PCDH15: variants seen among roughly 807,000 people sequenced by gnomAD.
PCDH15 encodes the protein protocadherin-15.
Under a neutral mutation model 178.5 loss-of-function variants are expected in PCDH15, and 129 were observed. That is an observed-to-expected ratio of 0.72 (90% CI 0.63 to 0.84). The LOEUF (loss-of-function observed/expected upper bound fraction) is 0.84, where lower values mean the gene tolerates loss of function less well. PCDH15 is among the 40% of genes least tolerant of loss of function. The pLI, the probability that PCDH15 is intolerant of heterozygous loss-of-function variation, is 0.00. For missense variants in PCDH15, 2,230 were observed against 2,099.9 expected, an observed-to-expected ratio of 1.06 and a Z score of -1.21; for synonymous variants, 800 against 732.0, an observed-to-expected ratio of 1.09 and a Z score of -1.50.
At chr10:54,684,379 C>G (rs1391826973) in intron 1 of PCDH15, among the ~76,000 whole-genome samples, 1 of 151,662 alleles carries the variant, frequency 6.6e-6, no homozygotes, top group Non-Finnish European at 1.5e-5. Context: ...TGTCAAGGAG[C>G]TAAGGAAATC....
chr10:55,532,618 T>C (rs1275553819), intron 2 of PCDH15, among the ~76,000 whole-genome samples: 2 of 152,056 alleles, frequency 1.3e-5, no homozygotes, highest in Non-Finnish European at 2.9e-5. Context: ...CCAGATATGC[T>C]GGATGAAGCA....
intron 1 of PCDH15, among the ~76,000 whole-genome samples, chr10:55,261,053 T>C (rs1842135833): frequency 6.6e-6 from 1 of 152,178 alleles, no homozygotes; most frequent in Non-Finnish European, 1.5e-5. Flanking sequence ...ATGAAATTTT[T>C]AGATGGCTAA....
intron 10 of PCDH15, among the ~76,000 whole-genome samples, chr10:54,207,372 GT>G (rs2050915922): frequency 1.1e-4 from 2 of 17,916 alleles, no homozygotes; most frequent in East Asian, 0.059. Flanking sequence ...TTTTGTGTGT[GT>G]GTGTATGTGT....
chr10:54,578,904 G>C (rs905848903), intron 2 of PCDH15, among the ~76,000 whole-genome samples: 11 of 152,054 alleles, frequency 7.2e-5, no homozygotes, highest in African/African-American at 2.7e-4. Context: ...ACTTAGCTTT[G>C]TAAGGAAGGG....
intron 2 of PCDH15, among the ~76,000 whole-genome samples, chr10:55,386,596 T>C (rs1030646860): frequency 6.6e-6 from 1 of 152,042 alleles, no homozygotes; most frequent in African/African-American, 2.4e-5. Flanking sequence ...TCACTGTTGA[T>C]GTGAATCTCC....
At chr10:55,241,854 A>C (rs1841550898) in intron 1 of PCDH15, among the ~76,000 whole-genome samples, 1 of 152,232 alleles carries the variant, frequency 6.6e-6, no homozygotes, top group Non-Finnish European at 1.5e-5. Flanking sequence ...TATCATTAAC[A>C]AGAAAATAGT....
rs1479988212 is a variant in PCDH15 at position 53,836,424 on chromosome 10, G to A, written c.3983+3896C>T. ...GTCTAACACTGTGGGACAGATCAGA[G>A]TGTGGGCAGAAACCTCTTCTGTGGC... On this transcript the variant is annotated intron_variant, in intron 29 of 37. Coordinates refer to ENST00000644397, the MANE Select transcript of PCDH15 (RefSeq NM_001384140.1). Among the ~76,000 whole-genome samples the A allele has an allele frequency of 3.3e-5, 5 of 152,150 alleles. No individual in the cohort carries two copies. In the East Asian group the frequency reaches 9.6e-4, roughly 29 times the overall value.
At chr10:55,061,217 C>T (rs868437511) in intron 2 of PCDH15, among the ~76,000 whole-genome samples, 24 of 152,016 alleles carry the variant, frequency 1.6e-4, no homozygotes, top group Non-Finnish European at 1.9e-4. Flanking sequence ...AAAAACTCAA[C>T]AAAAAGTAAG....
intron 3 of PCDH15, among the ~76,000 whole-genome samples, chr10:54,810,555 A>G (rs1278587882): frequency 6.6e-6 from 1 of 152,164 alleles, no homozygotes; most frequent in Non-Finnish European, 1.5e-5. Context: ...TATGTCACAA[A>G]AAAATAATAT....
intron 1 of PCDH15, among the ~76,000 whole-genome samples, chr10:55,294,063 G>A (rs1843077057): frequency 6.6e-6 from 1 of 152,136 alleles, no homozygotes; most frequent in Non-Finnish European, 1.5e-5. Flanking sequence ...TGGCTGAGGA[G>A]GTCTCATAGT....
At chr10:54,370,365 A>G (rs1947470173) in intron 4 of PCDH15, among the ~76,000 whole-genome samples, 1 of 151,642 alleles carries the variant, frequency 6.6e-6, no homozygotes, top group Non-Finnish European at 1.5e-5. Flanking sequence ...ATTTTTCTTT[A>G]TTGCATTTCT....
intron 20 of PCDH15, among the ~76,000 whole-genome samples, chr10:54,004,062 A>G (rs2092289236): frequency 1.3e-5 from 2 of 150,620 alleles, no homozygotes; most frequent in Non-Finnish European, 3.0e-5. Flanking sequence ...ATTGATTCTG[A>G]AAAAGCATTT....
Position 54,421,862 on chromosome 10 carries a change from T to TATACACACACAGTATATATATATATAC in PCDH15, c.158-42921_158-42920insGTATATATATATATACTGTGTGTGTAT, listed in dbSNP as rs1171038931. ...TACACACACACTATATATATATATA[T>TATACACACACAGTATATATATATATAC]ACACACACTATATATATATATACAC... On this transcript the variant is annotated intron_variant, in intron 3 of 37. Transcript: ENST00000644397. 2.6e-3 allele frequency among the ~76,000 whole-genome samples: 295 copies of TATACACACACAGTATATATATATATAC among 113,772 alleles called. 9 individuals carry two copies. The highest frequency in any genetic ancestry group is 3.3e-3 in the Non-Finnish European group (190 of 57,884). 74.6% of individuals were successfully genotyped at this position (113,772 alleles called of 152,430 possible).
chr10:55,113,061 A>T (rs1401569394), intron 2 of PCDH15, among the ~76,000 whole-genome samples: 2 of 152,140 alleles, frequency 1.3e-5, no homozygotes, highest in Admixed American at 1.3e-4. Flanking sequence ...ATCCTGTAAC[A>T]TCACCAGAAC....
At chr10:54,257,186 A>G (rs973632477) in intron 8 of PCDH15, among the ~76,000 whole-genome samples, 8 of 152,068 alleles carry the variant, frequency 5.3e-5, no homozygotes, top group Non-Finnish European at 1.2e-4. Flanking sequence ...ATAATTGTAA[A>G]GAAAGTTTAA....
intron 2 of PCDH15, among the ~76,000 whole-genome samples, chr10:55,160,617 T>G (rs1839040475): frequency 6.6e-6 from 1 of 152,032 alleles, no homozygotes; most frequent in African/African-American, 2.4e-5. Flanking sequence ...CATGCTAACG[T>G]TCTTCAGCAC....
intron 13 of PCDH15, among the ~76,000 whole-genome samples, chr10:54,176,065 T>A (rs925383466): frequency 6.6e-6 from 1 of 152,206 alleles, no homozygotes; most frequent in Non-Finnish European, 1.5e-5. Context: ...TGTGAGGTGA[T>A]ACTTAGTGTG....
At chr10:55,213,550 T>C (rs990316594) in intron 1 of PCDH15, among the ~76,000 whole-genome samples, 1 of 151,978 alleles carries the variant, frequency 6.6e-6, no homozygotes, top group Admixed American at 6.6e-5. Flanking sequence ...TTTTTACATT[T>C]GTGTTTTTTA....
chr10:53,908,250 G>GAACAAACAAACA (rs969750844), intron 25 of PCDH15, among the ~76,000 whole-genome samples: 5 of 151,986 alleles, frequency 3.3e-5, no homozygotes, highest in African/African-American at 4.8e-5. Context: ...TACCCCAAAC[G>GAACAAACAAACA]AACAAACAAA....
Sources: gnomAD v4.1 joint callset for allele counts (sites outside exome capture counted in the v4.1 genomes callset) on GRCh38, gnomAD v4.1.1 for gene constraint, MANE v1.5 for transcripts, NCBI Gene and HGNC (gene_info 2026-07-23, HGNC 2026-07-21) for gene names.